Variants in TFAM observed in about 807,000 individuals in gnomAD.
The protein encoded by TFAM is mitochondrial transcription factor 1.
In TFAM, 13 loss-of-function variants were observed where a neutral mutation model predicts 30.6. The ratio of observed to expected loss-of-function variants is 0.42; its 90% CI spans 0.28 to 0.67. The LOEUF (loss-of-function observed/expected upper bound fraction) is 0.67, where lower values mean the gene tolerates loss of function less well. Among genes scored for constraint, TFAM ranks in the 30% least tolerant of loss-of-function variants. TFAM has a pLI of 0.21. For synonymous variants in TFAM, 106 were observed against 94.8 expected (o/e 1.12, Z -0.69); for missense variants, 231 against 293.7 (o/e 0.79, Z 1.56).
At chr10:58,392,878 AT>A (rs1190056653) in intron 5 of TFAM, among the ~76,000 whole-genome samples, 4 of 151,836 alleles carry the variant, frequency 2.6e-5, no homozygotes, top group Non-Finnish European at 5.9e-5. Flanking sequence ...GTCTCATCAT[AT>A]TACCCCAGGC....
Position 58,395,360 on chromosome 10 carries a change from GT to G in TFAM, c.*294del. 2 of 388,844 alleles carry G rather than the reference GT, an allele frequency of 5.1e-6. No homozygotes were observed. Among genetic ancestry groups the G allele is most frequent in the East Asian group, 5.3e-5 (1 of 18,744 alleles). The allele number at this position is 388,844 out of a possible 1,614,324, so 24.1% of individuals were successfully genotyped here. A position where few individuals can be genotyped will look rare whatever the true frequency, so the allele number is the denominator to read the frequency against. On this transcript the variant is annotated 3_prime_UTR_variant, in exon 7 of 7. Coordinates refer to ENST00000487519, the MANE Select transcript of TFAM (RefSeq NM_003201.3). ...TGACAAAGGTAAATCAGACTATGAAGTTTTTTTTATACAGGATGATGACTAT... is the reference window on the plus strand; with the variant it reads ...TGACAAAGGTAAATCAGACTATGAAGTTTTTTTATACAGGATGATGACTAT...
At chr10:58,386,690 C>T (rs1293507142) in intron 2 of TFAM, 1 of 1,135,984 alleles carries the variant, frequency 8.8e-7, no homozygotes, top group Non-Finnish European at 1.1e-6. Flanking sequence ...AATAAAGTTG[C>T]AACTTCTGTG....
intron 1 of TFAM, among the ~76,000 whole-genome samples, chr10:58,385,992 T>TC (rs2132348658): frequency 1.3e-5 from 2 of 152,286 alleles, no homozygotes; most frequent in South Asian, 4.1e-4. Context: ...ATAGACGCTT[T>TC]CCTTCACTCC....
intron 2 of TFAM, among the ~76,000 whole-genome samples, chr10:58,387,618 T>C (rs1840514812): frequency 6.6e-6 from 1 of 152,130 alleles, no homozygotes; most frequent in African/African-American, 2.4e-5. Context: ...CTTGAAGCAA[T>C]TGATCATCCA....
At position 58,394,339 on chromosome 10, in the gene TFAM, A is replaced by G. The variant is rs765067790; in HGVS notation, c.538-19A>G. Reference sequence around the variant, plus strand: ...AAGTCCCCATATCTACCTTAACTTAAACATATATTGTTTTACAGGAAAAGC... The same window carrying G: ...AAGTCCCCATATCTACCTTAACTTAGACATATATTGTTTTACAGGAAAAGC... On this transcript the variant is annotated intron_variant, in intron 5 of 6. Transcript: ENST00000487519. The G allele has an allele frequency of 1.3e-6, 2 of 1,598,986 alleles. No homozygotes were observed.
intron 5 of TFAM, among the ~76,000 whole-genome samples, chr10:58,391,919 C>G (rs1840605430): frequency 1.4e-5 from 2 of 146,836 alleles, no homozygotes; most frequent in Admixed American, 1.4e-4. Context: ...TGTTTGTTCA[C>G]TTAGGTTTTT....
intron 6 of TFAM, 121 bp from the exon 7 acceptor site, chr10:58,394,807 A>G (rs1000917854): frequency 1.0e-6 from 1 of 963,952 alleles, no homozygotes; most frequent in Non-Finnish European, 1.6e-6. Flanking sequence ...TTATACATGT[A>G]GAATGGTAAT....
At chr10:58,386,462 T>G in intron 2 of TFAM, 124 bp downstream of exon 2, 3 of 823,200 alleles carry the variant, frequency 3.6e-6, no homozygotes, top group Non-Finnish European at 6.1e-6. Flanking sequence ...ATTTGATGTC[T>G]GTAAAATAGG....
intron 4 of TFAM, among the ~76,000 whole-genome samples, chr10:58,390,297 T>A (rs574288483): frequency 1.3e-5 from 2 of 152,258 alleles, no homozygotes; most frequent in Admixed American, 1.3e-4. Context: ...ACTAGTAAAA[T>A]GAATTTAACA....
intron 4 of TFAM, among the ~76,000 whole-genome samples, 160 bp downstream of exon 4, chr10:58,388,979 G>A (rs1840542675): frequency 6.6e-6 from 1 of 152,194 alleles, no homozygotes; most frequent in Admixed American, 6.5e-5. Flanking sequence ...TATGAAAAGT[G>A]AGATAGCCAC....
intron 6 of TFAM, 38 bp downstream of exon 6, chr10:58,394,452 G>C (rs775869712): frequency 1.3e-6 from 2 of 1,548,634 alleles, no homozygotes; most frequent in South Asian, 2.2e-5. Flanking sequence ...TGTCTACTTA[G>C]GATATCTGTG....
In TFAM at chr10:58,395,077, G is replaced by C. The variant is rs756255451; in HGVS notation, c.*3G>C. ...AATATGGTGCTGAGGAGTGTTAAAA[G>C]TAGAAGATTGAGATGTGTTCACAAT... On this transcript the variant is annotated 3_prime_UTR_variant, in exon 7 of 7. Transcript: ENST00000487519. 1 of 1,613,144 alleles carries C rather than the reference G, an allele frequency of 6.2e-7. No homozygotes were observed. Among genetic ancestry groups the C allele is most frequent in the Non-Finnish European group, 8.5e-7 (1 of 1,179,382 alleles).
chr10:58,390,703 A>G (rs1840576469), intron 4 of TFAM, 62 bp from the exon 5 acceptor site: 2 of 1,209,332 alleles, frequency 1.7e-6, no homozygotes, highest in Non-Finnish European at 2.4e-6. Context: ...AAGTTTCTGT[A>G]GGTAAAATTA....
chr10:58,398,219 C>G lies in TFAM; in HGVS notation c.*3145C>G, dbSNP rs976322956. 3 of 152,204 alleles carry G rather than the reference C, an allele frequency of 2.0e-5. No homozygotes were observed. The highest frequency in any genetic ancestry group is 4.8e-5 in the African/African-American group (2 of 41,460). The allele number at this position is 152,204 out of a possible 1,614,324, so 9.4% of individuals were successfully genotyped here. On this transcript the variant is annotated 3_prime_UTR_variant, in exon 7 of 7. Transcript: ENST00000487519. ...GGGATTATAGGTGCAGACCATCAAG[C>G]CTTGCTATTATTTTTTAGACTTTTC... is the stretch of plus-strand genomic sequence containing the variant.
chr10:58,388,909 TAA>T (rs974527181), intron 4 of TFAM, 90 bp downstream of exon 4: 3 of 1,149,964 alleles, frequency 2.6e-6, no homozygotes, highest in Non-Finnish European at 3.8e-6. Context: ...AATAGGCAAA[TAA>T]AATATGGTAG....
chr10:58,395,514 T>C lies in TFAM; in HGVS notation c.*440T>C, dbSNP rs963233556. On this transcript the variant is annotated 3_prime_UTR_variant, in exon 7 of 7. Transcript: ENST00000487519. ...TTTTTCATAAAGCAGGCAGAACTCA[T>C]CTAGGTAAATTACAGTTCCTAGGTA... 4 of 251,056 alleles carry C rather than the reference T, an allele frequency of 1.6e-5. No homozygotes were observed. The highest frequency in any genetic ancestry group is 3.0e-5 in the Non-Finnish European group (4 of 132,534). The allele number at this position is 251,056 out of a possible 1,614,324, so 15.6% of individuals were successfully genotyped here.
rs1391215439 is a variant in TFAM, at chr10:58,398,586, A to T, written c.*3512A>T. 1 of 152,098 alleles carries T rather than the reference A, an allele frequency of 6.6e-6. No homozygotes were observed. The highest frequency in any genetic ancestry group is 2.4e-5 in the African/African-American group (1 of 41,406). 9.4% of individuals were successfully genotyped at this position (152,098 alleles called of 1,614,324 possible). A position where few individuals can be genotyped will look rare whatever the true frequency, so the allele number is the denominator to read the frequency against. On this transcript the variant is annotated 3_prime_UTR_variant, in exon 7 of 7. Coordinates refer to ENST00000487519, the MANE Select transcript of TFAM (RefSeq NM_003201.3). ...GTGTTAGTTTTTACTAATTGCTCTG[A>T]ATGTGTATATTTAGATTTCTGAATT...
intron 5 of TFAM, among the ~76,000 whole-genome samples, chr10:58,392,615 A>G (rs1840617660): frequency 6.6e-6 from 1 of 152,030 alleles, no homozygotes; most frequent in African/African-American, 2.4e-5. Context: ...TGGTTTTCAC[A>G]GAGTGACACT....
In TFAM at chr10:58,398,411, TGAG is replaced by T. The variant is rs1171937399; in HGVS notation, c.*3339_*3341del. 1 of 152,240 alleles carries T rather than the reference TGAG, an allele frequency of 6.6e-6. No homozygotes were observed. The highest frequency in any genetic ancestry group is 1.5e-5 in the Non-Finnish European group (1 of 68,044). The allele number at this position is 152,240 out of a possible 1,614,324, so 9.4% of individuals were successfully genotyped here. The stretch of plus-strand genomic sequence containing the variant: ...GTTAGGTTTTACAAAAGTAATTTGA[TGAG>T]GGGAAGGAGGGTTGTGTATTTATTT... On this transcript the variant is annotated 3_prime_UTR_variant, in exon 7 of 7. Coordinates refer to ENST00000487519, the MANE Select transcript of TFAM (RefSeq NM_003201.3).
Sources: gnomAD v4.1 joint callset for allele counts (sites outside exome capture counted in the v4.1 genomes callset) on GRCh38, gnomAD v4.1.1 for gene constraint, MANE v1.5 for transcripts, NCBI Gene and HGNC (gene_info 2026-07-23, HGNC 2026-07-21) for gene names.